The following UBIAD1 variants were observed in gnomAD, a reference collection of about 807,000 sequenced individuals.
The protein encoded by UBIAD1 is ubiA prenyltransferase domain-containing protein 1.
UBIAD1 carries 12 observed loss-of-function variants against 20.1 expected under a neutral mutation model. That is an observed-to-expected ratio of 0.60 (90% CI 0.38 to 0.97). The LOEUF is 0.97. Among genes scored for constraint, UBIAD1 ranks in the 50% least tolerant of loss-of-function variants. The pLI, the probability that UBIAD1 is intolerant of heterozygous loss-of-function variation, is 0.00. For synonymous variants in UBIAD1, 207 were observed against 189.2 expected (o/e 1.09, Z -0.77); for missense variants, 333 against 419.5 (o/e 0.79, Z 1.80).
Position 11,273,719 on chromosome 1 carries a change from C to T in UBIAD1, c.188C>T (p.Thr63Ile), listed in dbSNP as rs765058756. The T allele has an allele frequency of 5.0e-6, 8 of 1,614,070 alleles. No individual in the cohort carries two copies. In the Admixed American group the frequency reaches 5.0e-5, roughly 10 times the overall value. ...LRPWSFSASL[T>I]PVALGSALAY... The stretch of plus-strand genomic sequence containing the variant: ...CCCTGGAGCTTCAGTGCCTCACTCA[C>T]ACCGGTGGCCCTGGGCAGTGCCCTT... Residue 63 changes from threonine (T) to isoleucine (I), a missense_variant, in exon 1 of 2, where the codon ACA (threonine) becomes ATA (isoleucine). Thr to Ile is a moderately conservative substitution (Grantham distance 89). Transcript: ENST00000376810. This position sits in a 1 kb window ranked among gnomAD's most constrained non-coding sequence, Gnocchi z 4.9.
chr1:11,280,703 T>C (rs1363451100), intron 1 of UBIAD1, among the ~76,000 whole-genome samples: 8 of 152,160 alleles, frequency 5.3e-5, no homozygotes. Context: ...TTCTGTTGAC[T>C]CTCCTTTCAA....
At chr1:11,295,055 TATGC>T (rs1638425932) in exon 2 of UBIAD1, 1 of 674,576 alleles carries the variant, frequency 1.5e-6, no homozygotes, top group African/African-American at 1.8e-5. Flanking sequence ...CTGACAATTG[TATGC>T]ATGTTCAGGA....
chr1:11,293,551 G>C (rs1638401013), intron 1 of UBIAD1: 1 of 152,274 alleles, frequency 6.6e-6, no homozygotes. Flanking sequence ...ACATGGGAAG[G>C]GCTGGGCCCT....
rs758882194 is a variant in UBIAD1, at chr1:11,273,991, C to A, written c.460C>A (p.Pro154Thr). 1 of 1,614,190 alleles carries A rather than the reference C, an allele frequency of 6.2e-7. No homozygotes were observed. The highest frequency in any genetic ancestry group is 8.5e-7 in the Non-Finnish European group (1 of 1,180,036). The stretch of plus-strand genomic sequence containing the variant: ...TGCCGCTTGCCTCTACTACCTGTCC[C>A]CTCTGAAACTGGAGCACTTGGCTCT... The part of the protein sequence containing the change: ...VCAACLYYLS[P>T]LKLEHLALIY... The change falls in exon 1 of 2, where the codon CCT becomes ACT. Residue 154 changes from proline (P) to threonine (T), a missense_variant. Physicochemically the swap from Pro to Thr is conservative, Grantham distance 38. This residue lies in a region of UBIAD1 where 226 missense variants were observed against 263.5 expected (regional missense o/e 0.86). Transcript: ENST00000376810. The surrounding 1 kb of genome is among the most constrained non-coding windows in gnomAD (Gnocchi z 4.9).
intron 1 of UBIAD1, among the ~76,000 whole-genome samples, chr1:11,284,493 C>G (rs1446535372): frequency 6.6e-6 from 1 of 152,100 alleles, no homozygotes; most frequent in Non-Finnish European, 1.5e-5. Context: ...GAGACAGAGT[C>G]TTGCTCTGTC....
At position 11,286,140 on chromosome 1, in the gene UBIAD1, G is replaced by C. The variant is rs1638258885; in HGVS notation, c.*9G>C. ...GTCTGCCCAAAATTTAAGGGGACAA[G>C]TAGCTCCCCCCACGACATGTCTCCC... On this transcript the variant is annotated 3_prime_UTR_variant, in exon 2 of 2. Coordinates refer to ENST00000376810, the MANE Select transcript of UBIAD1 (RefSeq NM_013319.3). 2 of 1,614,056 alleles carry C rather than the reference G, an allele frequency of 1.2e-6. No homozygotes were observed. The highest frequency in any genetic ancestry group is 1.7e-6 in the Non-Finnish European group (2 of 1,180,038).
At chr1:11,288,773 G>A (rs6695465), downstream of UBIAD1, among the ~76,000 whole-genome samples, 6 of 152,120 alleles carry the variant, frequency 3.9e-5, no homozygotes, top group East Asian at 1.9e-4. Flanking sequence ...TTAGCTGGGC[G>A]TGGTGGTGCA....
chr1:11,284,452 T>C (rs1040092462), intron 1 of UBIAD1, among the ~76,000 whole-genome samples: 26 of 151,746 alleles, frequency 1.7e-4, no homozygotes, highest in Non-Finnish European at 3.5e-4. Flanking sequence ...GGTGGTCAGA[T>C]TCCTTTATTT....
intron 1 of UBIAD1, among the ~76,000 whole-genome samples, chr1:11,280,256 A>T (rs1484521569): frequency 6.6e-6 from 1 of 152,034 alleles, no homozygotes; most frequent in Non-Finnish European, 1.5e-5. Flanking sequence ...ATTGGCTAGG[A>T]TCTACTGAAA....
chr1:11,273,819 G>A lies in UBIAD1; in HGVS notation c.288G>A (p.Gly96=). ...GCAVAVLAVH[G]AGNLVNTYYD... is the part of the protein sequence containing the mutation. ...CCGTGGCTGTCCTGGCTGTGCACGG[G>A]GCCGGTAATTTGGTCAACACTTACT... is the stretch of plus-strand genomic sequence containing the variant. Residue 96 remains glycine, a synonymous_variant, in exon 1 of 2, where the codon GGG becomes GGA. Coordinates refer to ENST00000376810, the MANE Select transcript of UBIAD1 (RefSeq NM_013319.3). The surrounding 1 kb of genome is among the most constrained non-coding windows in gnomAD (Gnocchi z 4.9). 6.2e-7 allele frequency: 1 copy of A among 1,614,196 alleles called. No homozygotes were observed. Among genetic ancestry groups the A allele is most frequent in the Non-Finnish European group, 8.5e-7 (1 of 1,180,048 alleles).
Position 11,274,008 on chromosome 1 carries a change from C to G in UBIAD1, c.477C>G (p.His159Gln), listed in dbSNP as rs1356850525. 31 of 1,614,080 alleles carry G rather than the reference C, an allele frequency of 1.9e-5. No homozygotes were observed. Among genetic ancestry groups the G allele is most frequent in the Non-Finnish European group, 2.6e-5 (31 of 1,180,044 alleles). The change falls in exon 1 of 2, where the codon CAC becomes CAG. Residue 159 changes from histidine to glutamine, a missense_variant. By Grantham distance (24) the His-to-Gln change is conservative. This residue lies in a region of UBIAD1 where 226 missense variants were observed against 263.5 expected (regional missense o/e 0.86). Coordinates refer to ENST00000376810, the MANE Select transcript of UBIAD1 (RefSeq NM_013319.3). ...LYYLSPLKLE[H>Q]LALIYFGGLS... is the part of the protein sequence containing the mutation. ...ACCTGTCCCCTCTGAAACTGGAGCACTTGGCTCTTATCTACTTTGGAGGCC... is the reference window on the plus strand; with the variant it reads ...ACCTGTCCCCTCTGAAACTGGAGCAGTTGGCTCTTATCTACTTTGGAGGCC...
Position 11,274,073 on chromosome 1 carries a change from CT to C in UBIAD1, c.529+14del, listed in dbSNP as rs1273977288. 6.2e-7 allele frequency: 1 copy of C among 1,613,866 alleles called. No individual in the cohort carries two copies. The highest frequency in any genetic ancestry group is 1.3e-5 in the African/African-American group (1 of 74,918). On this transcript the variant is annotated intron_variant, in intron 1 of 1. Coordinates refer to ENST00000376810, the MANE Select transcript of UBIAD1 (RefSeq NM_013319.3). ...CTCTACACAGGAGGTAAGATTTGGC[CT>C]GTCCTGTGTGCTGCAGGTCTTAGTC...
intron 1 of UBIAD1, among the ~76,000 whole-genome samples, chr1:11,284,922 G>C (rs1230091280): frequency 6.6e-6 from 1 of 152,176 alleles, no homozygotes; most frequent in East Asian, 1.9e-4. Context: ...GATTTGGTAA[G>C]GGGGATGGAG....
chr1:11,277,516 A>C (rs767032120), intron 1 of UBIAD1, among the ~76,000 whole-genome samples: 1 of 151,828 alleles, frequency 6.6e-6, no homozygotes, highest in Non-Finnish European at 1.5e-5. Context: ...TCAAGTGATC[A>C]ACCCTCCTTG....
downstream of UBIAD1, among the ~76,000 whole-genome samples, chr1:11,292,450 A>G (rs1316113350): frequency 1.3e-5 from 2 of 152,178 alleles, no homozygotes; most frequent in East Asian, 3.9e-4. Flanking sequence ...GAGTCGCATC[A>G]GAGAGGCGTT....
chr1:11,288,898 C>T (rs895433886), downstream of UBIAD1, among the ~76,000 whole-genome samples: 8 of 151,198 alleles, frequency 5.3e-5, no homozygotes, highest in African/African-American at 1.9e-4. Context: ...GGCGACAGAG[C>T]GAGACACTGT....
At chr1:11,291,812 G>C (rs1638372202), downstream of UBIAD1, among the ~76,000 whole-genome samples, 1 of 151,986 alleles carries the variant, frequency 6.6e-6, no homozygotes, top group Non-Finnish European at 1.5e-5. Context: ...AGATGGGTGG[G>C]GGCACATAAA....
Position 11,285,272 on chromosome 1 carries a change from G to C in UBIAD1, c.530-372G>C, listed in dbSNP as rs907070370. 1.3e-5 allele frequency among the ~76,000 whole-genome samples: 2 copies of C among 152,180 alleles called. No individual in the cohort carries two copies. Among genetic ancestry groups the C allele is most frequent in the African/African-American group, 4.8e-5 (2 of 41,426 alleles). On this transcript the variant is annotated intron_variant, in intron 1 of 1. Coordinates refer to ENST00000376810, the MANE Select transcript of UBIAD1 (RefSeq NM_013319.3). The surrounding 1 kb of genome is among the most constrained non-coding windows in gnomAD (Gnocchi z 4.4). ...ACGGGGTCTTGCAGGGGTTGGTGAA[G>C]GGTGAAAGATAGCAAAGAACTGGAT...
Position 11,280,627 on chromosome 1 carries a change from T to C in UBIAD1, c.530-5017T>C, listed in dbSNP as rs183730608. On this transcript the variant is annotated intron_variant, in intron 1 of 1. Coordinates refer to ENST00000376810, the MANE Select transcript of UBIAD1 (RefSeq NM_013319.3). The stretch of plus-strand genomic sequence containing the variant: ...TGCTCAATGGCAGCTTCATCCTAGT[T>C]CTTCAGGCCAAAAGCTGTGGGCATC... Among the ~76,000 whole-genome samples, 323 of 152,274 alleles carry C rather than the reference T, an allele frequency of 2.1e-3. 1 individual carries two copies. The highest frequency in any genetic ancestry group is 8.1e-3 in the South Asian group (39 of 4,822).
Sources: allele counts gnomAD v4.1 joint callset (sites outside exome capture counted in the v4.1 genomes callset), GRCh38; gene constraint gnomAD v4.1.1; regional missense constraint gnomAD v4.1.1; non-coding constraint Gnocchi (gnomAD v3.1); transcripts MANE v1.5; gene names NCBI Gene and HGNC (gene_info 2026-07-23, HGNC 2026-07-21).